The following FTO variants were observed in gnomAD, a reference collection of about 807,000 sequenced individuals.
FTO encodes FTO alpha-ketoglutarate dependent dioxygenase, also known as alpha-ketoglutarate-dependent dioxygenase FTO.
A neutral mutation model predicts 63.9 loss-of-function variants in FTO; 47 were observed. The observed-to-expected ratio is 0.74, with a 90% CI of 0.58 to 0.94. The LOEUF (loss-of-function observed/expected upper bound fraction) is 0.94, where lower values mean the gene tolerates loss of function less well. FTO is among the 40% of genes least tolerant of loss of function. The probability of loss-of-function intolerance (pLI) is 0.00; values close to 1 mark genes in which losing one functional copy is unlikely to be tolerated. For missense variants in FTO, 562 were observed against 618.1 expected (o/e 0.91, Z 0.96); for synonymous variants, 207 against 224.4 (o/e 0.92, Z 0.69).
At chr16:53,761,484 TG>T (rs531505073) in intron 1 of FTO, among the ~76,000 whole-genome samples, 29 of 152,312 alleles carry the variant, frequency 1.9e-4, no homozygotes, top group African/African-American at 7.0e-4. Flanking sequence ...CATGTTAGAA[TG>T]GAAGTTAATT....
intron 8 of FTO, chr16:54,061,730 G>A (rs1208044494): frequency 6.6e-6 from 1 of 152,210 alleles, no homozygotes; most frequent in Non-Finnish European, 1.5e-5. Flanking sequence ...GGTGAGTACA[G>A]TGTCTTGTTG....
At chr16:53,883,088 C>T (rs537474096) in intron 6 of FTO, among the ~76,000 whole-genome samples, 4 of 152,290 alleles carry the variant, frequency 2.6e-5, no homozygotes, top group Admixed American at 2.6e-4. Context: ...TTATGTCTTT[C>T]TCCATATTTA....
intron 1 of FTO, among the ~76,000 whole-genome samples, chr16:53,787,626 G>T (rs1407709594): frequency 6.6e-6 from 1 of 152,180 alleles, no homozygotes; most frequent in African/African-American, 2.4e-5. Context: ...GACTCATACA[G>T]TTTCAGCAGA....
At chr16:53,951,563 C>G (rs2082801469) in intron 8 of FTO, among the ~76,000 whole-genome samples, 4 of 152,108 alleles carry the variant, frequency 2.6e-5, no homozygotes, top group Admixed American at 2.6e-4. Context: ...CTGATGAATA[C>G]TTTTTATTTG....
chr16:54,013,853 G>A (rs879573833), intron 8 of FTO, among the ~76,000 whole-genome samples: 14 of 151,938 alleles, frequency 9.2e-5, no homozygotes, highest in Admixed American at 3.3e-4. Flanking sequence ...AAAAATTCAC[G>A]TGAGCTACTT....
chr16:53,909,532 C>CTTTTTTTTTTTTT (rs58121446), intron 7 of FTO, among the ~76,000 whole-genome samples: 2 of 71,192 alleles, frequency 2.8e-5, no homozygotes, highest in African/African-American at 1.4e-4. Context: ...AGAGCCCCGC[C>CTTTTTTTTTTTTT]TTTTTTTTTT....
rs150010401 is a variant in FTO, at chr16:53,893,120, A to C, written c.1239+4169A>C. Among the ~76,000 whole-genome samples, 702 of 152,280 alleles carry C rather than the reference A, an allele frequency of 4.6e-3. 7 individuals are homozygous for C. Among genetic ancestry groups the C allele is most frequent in the African/African-American group, 0.016 (675 of 41,558 alleles). ...TATATTTGAATGACATTCTGATAAA[A>C]TATCACATTTTCCCTGAATATTACC... On this transcript the variant is annotated intron_variant, in intron 7 of 8. Transcript: ENST00000471389.
intron 8 of FTO, among the ~76,000 whole-genome samples, chr16:53,934,826 A>G (rs2082352793): frequency 6.6e-6 from 1 of 152,180 alleles, no homozygotes; most frequent in Non-Finnish European, 1.5e-5. Context: ...GCCGTTGACC[A>G]AAACCTCAAA....
intron 7 of FTO, among the ~76,000 whole-genome samples, chr16:53,919,760 C>T (rs1203415742): frequency 6.6e-6 from 1 of 152,142 alleles, no homozygotes; most frequent in African/African-American, 2.4e-5. Flanking sequence ...CGCATGTTCT[C>T]ACTCGTAAGT....
chr16:53,911,197 T>C (rs2081689775), intron 7 of FTO: 1 of 580,120 alleles, frequency 1.7e-6, no homozygotes. Context: ...ACTTAGCACA[T>C]GGCAGGCATC....
At chr16:53,894,760 G>T (rs1490879417) in intron 7 of FTO, among the ~76,000 whole-genome samples, 1 of 152,096 alleles carries the variant, frequency 6.6e-6, no homozygotes, top group Non-Finnish European at 1.5e-5. Flanking sequence ...TAAGAGCAGA[G>T]TATATTATAG....
At chr16:53,984,032 C>G (rs2083607373) in intron 8 of FTO, among the ~76,000 whole-genome samples, 1 of 152,222 alleles carries the variant, frequency 6.6e-6, no homozygotes, top group African/African-American at 2.4e-5. Context: ...GCCATACCTT[C>G]TCATTCTCCA....
At chr16:53,930,467 C>T (rs954927732) in intron 7 of FTO, among the ~76,000 whole-genome samples, 1 of 151,942 alleles carries the variant, frequency 6.6e-6, no homozygotes, top group Non-Finnish European at 1.5e-5. Context: ...TTGTGATCCA[C>T]CCATCTGGGC....
chr16:54,009,582 G>C (rs2084291449), intron 8 of FTO, among the ~76,000 whole-genome samples: 1 of 152,112 alleles, frequency 6.6e-6, no homozygotes, highest in South Asian at 2.1e-4. Flanking sequence ...CCAGAGATCA[G>C]TGCCTGATAC....
At chr16:53,749,441 CTTTTTTT>C (rs748023558) in intron 1 of FTO, among the ~76,000 whole-genome samples, 1 of 140,200 alleles carries the variant, frequency 7.1e-6, no homozygotes, top group Non-Finnish European at 1.6e-5. Flanking sequence ...TTCTTTTTTT[CTTTTTTT>C]TTTTTTTGAG....
intron 8 of FTO, among the ~76,000 whole-genome samples, chr16:53,959,731 AC>A (rs2083025791): frequency 6.6e-6 from 1 of 152,004 alleles, no homozygotes; most frequent in Non-Finnish European, 1.5e-5. Context: ...GATTCAAACT[AC>A]CCCAGCCTAA....
At chr16:54,081,728 T>C (rs1381703649) in intron 8 of FTO, among the ~76,000 whole-genome samples, 2 of 152,148 alleles carry the variant, frequency 1.3e-5, no homozygotes, top group East Asian at 1.9e-4. Context: ...ACCGAACAGA[T>C]GGGCAGAGTC....
chr16:53,837,870 G>A (rs920063159), intron 3 of FTO, among the ~76,000 whole-genome samples: 2 of 152,170 alleles, frequency 1.3e-5, no homozygotes, highest in Non-Finnish European at 2.9e-5. Flanking sequence ...AGGCTTTAGT[G>A]TCTGTCAGTA....
At chr16:54,074,929 T>A (rs1267760281) in intron 8 of FTO, among the ~76,000 whole-genome samples, 2 of 146,714 alleles carry the variant, frequency 1.4e-5, no homozygotes, top group South Asian at 2.3e-4. Flanking sequence ...TGTGTGTGTG[T>A]GTGTGTGTGT....
Sources: allele counts gnomAD v4.1 joint callset (sites outside exome capture counted in the v4.1 genomes callset), GRCh38; gene constraint gnomAD v4.1.1; transcripts MANE v1.5; gene names NCBI Gene and HGNC (gene_info 2026-07-23, HGNC 2026-07-21).